ETV6: variants seen among roughly 807,000 people sequenced by gnomAD.
The protein encoded by ETV6 is ETS variant transcription factor 6.
A neutral mutation model predicts 51.1 loss-of-function variants in ETV6; 16 were observed. That is an observed-to-expected ratio of 0.31 (90% confidence interval 0.21 to 0.48). ETV6 has a LOEUF of 0.48. Ranked by LOEUF, ETV6 falls within the 20% of genes least tolerant of loss-of-function variation. The probability of loss-of-function intolerance (pLI) is 0.99; values close to 1 mark genes in which losing one functional copy is unlikely to be tolerated. For missense variants in ETV6, 458 were observed against 594.8 expected (o/e 0.77, Z 2.39); for synonymous variants, 240 against 224.1 (o/e 1.07, Z -0.64).
At chr12:11,814,042 C>T (rs540782807) in intron 2 of ETV6, among the ~76,000 whole-genome samples, 7 of 152,234 alleles carry the variant, frequency 4.6e-5, no homozygotes, top group African/African-American at 7.2e-5. Flanking sequence ...ATTCCAGTTA[C>T]GGTAAAACCT....
chr12:11,716,943 A>G (rs890181985), intron 1 of ETV6, among the ~76,000 whole-genome samples: 1 of 152,186 alleles, frequency 6.6e-6, no homozygotes, highest in Non-Finnish European at 1.5e-5. Context: ...TCTTAGATCT[A>G]AAATCATTAG....
chr12:11,692,522 C>A (rs1474501556), intron 1 of ETV6, among the ~76,000 whole-genome samples: 1 of 152,172 alleles, frequency 6.6e-6, no homozygotes, highest in African/African-American at 2.4e-5. Flanking sequence ...GACTTCAGTA[C>A]AGTTAATGCC....
rs1429759360 is a variant in ETV6, at chr12:11,717,444, TATGGAATATTC to T, written c.34-35003_34-34993del. On this transcript the variant is annotated intron_variant, in intron 1 of 7. Transcript: ENST00000396373. ...AGAGTGTAGTAACAAGCAGGGGTGC[TATGGAATATTC>T]ATTTATCCTAAATAAATATCTTTTT... 5.3e-5 allele frequency among the ~76,000 whole-genome samples: 8 copies of T among 152,336 alleles called. No homozygotes were observed. In the South Asian group the frequency reaches 1.7e-3, roughly 32 times the overall value.
At chr12:11,839,692 C>T (rs1946363837) in intron 3 of ETV6, among the ~76,000 whole-genome samples, 1 of 152,108 alleles carries the variant, frequency 6.6e-6, no homozygotes, top group Non-Finnish European at 1.5e-5. Context: ...CCAGCCTGGG[C>T]AATGTGGCAA....
At chr12:11,878,497 C>T (rs1163837594) in intron 5 of ETV6, among the ~76,000 whole-genome samples, 1 of 152,142 alleles carries the variant, frequency 6.6e-6, no homozygotes, top group Non-Finnish European at 1.5e-5. Flanking sequence ...TGGATCTCAG[C>T]TGCAGGCTGT....
intron 2 of ETV6, among the ~76,000 whole-genome samples, chr12:11,823,180 G>A (rs1386248356): frequency 2.0e-5 from 3 of 152,126 alleles, no homozygotes; most frequent in Non-Finnish European, 4.4e-5. Flanking sequence ...CAGCTGGATC[G>A]CTCCTCCTAA....
intron 1 of ETV6, among the ~76,000 whole-genome samples, chr12:11,744,481 A>G (rs1374043338): frequency 6.6e-6 from 1 of 152,240 alleles, no homozygotes; most frequent in African/African-American, 2.4e-5. Flanking sequence ...TAAATTCAAC[A>G]GCAAGACTTT....
At chr12:11,865,692 A>G (rs1050598208) in intron 4 of ETV6, among the ~76,000 whole-genome samples, 2 of 148,698 alleles carry the variant, frequency 1.3e-5, no homozygotes, top group Non-Finnish European at 3.0e-5. Context: ...TATAGTATAT[A>G]TGGTGTGTGT....
intron 2 of ETV6, among the ~76,000 whole-genome samples, chr12:11,803,115 C>T (rs544087839): frequency 1.3e-5 from 2 of 152,284 alleles, no homozygotes; most frequent in African/African-American, 4.8e-5. Context: ...TTAATGGAGG[C>T]CTCTGTCAGT....
chr12:11,781,702 A>AT (rs566212725), intron 2 of ETV6, among the ~76,000 whole-genome samples: 179 of 152,262 alleles, frequency 1.2e-3, no homozygotes, highest in African/African-American at 4.2e-3. Flanking sequence ...TCTTTTGTGG[A>AT]TTTTTTAAAC....
At chr12:11,769,441 A>AG (rs949546779) in intron 2 of ETV6, among the ~76,000 whole-genome samples, 2 of 151,884 alleles carry the variant, frequency 1.3e-5, no homozygotes, top group African/African-American at 4.8e-5. Flanking sequence ...AAATCTGAGA[A>AG]GAAAAAAAAA....
chr12:11,689,034 C>A (rs780417323), intron 1 of ETV6, among the ~76,000 whole-genome samples: 1 of 147,562 alleles, frequency 6.8e-6, no homozygotes, highest in Non-Finnish European at 1.5e-5. Flanking sequence ...CTATAACTCT[C>A]TTTAGACAAA....
intron 1 of ETV6, among the ~76,000 whole-genome samples, chr12:11,706,998 C>A (rs1865084354): frequency 6.6e-6 from 1 of 152,180 alleles, no homozygotes; most frequent in Non-Finnish European, 1.5e-5. Context: ...TAGAAAGGGT[C>A]TATTGTTCCC....
At chr12:11,821,351 G>A (rs1006521757) in intron 2 of ETV6, among the ~76,000 whole-genome samples, 22 of 152,284 alleles carry the variant, frequency 1.4e-4, no homozygotes, top group Middle Eastern at 3.4e-3. Context: ...GGGCAACAGA[G>A]TGAGACTCAG....
At chr12:11,824,424 C>T (rs551911177) in intron 2 of ETV6, among the ~76,000 whole-genome samples, 45 of 152,316 alleles carry the variant, frequency 3.0e-4, no homozygotes, top group African/African-American at 1.0e-3. Context: ...TAACCAGCCA[C>T]GCTGATGGCC....
chr12:11,800,481 C>T (rs979289391), intron 2 of ETV6, among the ~76,000 whole-genome samples: 3 of 152,086 alleles, frequency 2.0e-5, no homozygotes, highest in East Asian at 1.9e-4. Context: ...CCATAATCAC[C>T]GTGTTATACA....
At chr12:11,746,380 G>A (rs1327844785) in intron 1 of ETV6, among the ~76,000 whole-genome samples, 1 of 152,194 alleles carries the variant, frequency 6.6e-6, no homozygotes, top group Non-Finnish European at 1.5e-5. Context: ...TTGCGGAATG[G>A]AGATAACGAT....
chr12:11,827,810 G>C (rs749513940), intron 2 of ETV6, among the ~76,000 whole-genome samples: 1 of 152,176 alleles, frequency 6.6e-6, no homozygotes, highest in Non-Finnish European at 1.5e-5. Flanking sequence ...ACTGTGCCGG[G>C]CACCAGAGAT....
intron 2 of ETV6, among the ~76,000 whole-genome samples, chr12:11,778,827 G>C (rs1945372071): frequency 6.6e-6 from 1 of 152,190 alleles, no homozygotes; most frequent in Admixed American, 6.5e-5. Context: ...AGTGATTTCA[G>C]GATAAAAGGC....
Sources: allele counts gnomAD v4.1 joint callset (sites outside exome capture counted in the v4.1 genomes callset), GRCh38; gene constraint gnomAD v4.1.1; transcripts MANE v1.5; gene names NCBI Gene and HGNC (gene_info 2026-07-23, HGNC 2026-07-21).